PARD3: variants seen among roughly 807,000 people sequenced by gnomAD.
PARD3 encodes the protein par-3 family cell polarity regulator.
Under a neutral mutation model 155.4 loss-of-function variants are expected in PARD3, and 75 were observed. The ratio of observed to expected loss-of-function variants is 0.48; its 90% CI spans 0.40 to 0.58. The LOEUF is 0.58. PARD3 is among the 20% of genes least tolerant of loss of function. The probability of loss-of-function intolerance (pLI) is 0.00; values close to 1 mark genes in which losing one functional copy is unlikely to be tolerated. For synonymous variants in PARD3, 576 were observed against 610.5 expected, an observed-to-expected ratio of 0.94 and a Z score of 0.83; for missense variants, 1,642 against 1,721.7, an observed-to-expected ratio of 0.95 and a Z score of 0.82.
intron 19 of PARD3, among the ~76,000 whole-genome samples, chr10:34,324,385 T>G (rs1245443064): frequency 2.0e-5 from 3 of 152,004 alleles, no homozygotes; most frequent in Admixed American, 6.6e-5. Context: ...TAAGAAAAAC[T>G]AGATTGTCGG....
chr10:34,733,104 C>T (rs555441414), intron 1 of PARD3, among the ~76,000 whole-genome samples: 4 of 152,272 alleles, frequency 2.6e-5, no homozygotes, highest in East Asian at 1.9e-4. Flanking sequence ...AAGAAGCTCA[C>T]CTCTATCAAT....
At chr10:34,792,603 T>A (rs1302148465) in intron 1 of PARD3, among the ~76,000 whole-genome samples, 1 of 152,212 alleles carries the variant, frequency 6.6e-6, no homozygotes, top group African/African-American at 2.4e-5. Flanking sequence ...TACACTGTTT[T>A]CCCACAAGGA....
chr10:34,384,298 A>G (rs756273759), intron 7 of PARD3, 44 bp from the exon 8 acceptor site: 1 of 1,576,364 alleles, frequency 6.3e-7, no homozygotes, highest in Non-Finnish European at 8.7e-7. Context: ...TAATATCTCC[A>G]CCATGCACAC....
At position 34,128,937 on chromosome 10, in the gene PARD3, G is replaced by T. The variant is rs575443465; in HGVS notation, c.3540+2526C>A. Among the ~76,000 whole-genome samples the T allele has an allele frequency of 7.2e-5, 11 of 152,242 alleles. 1 individual carries two copies. In the South Asian group the frequency reaches 1.9e-3, roughly 26 times the overall value. ...TTACATCTAGTAGGGTCAATGCAGG[G>T]ACCAAGAATATGTATTCCTAACAAG... is the stretch of plus-strand genomic sequence containing the variant. On this transcript the variant is annotated intron_variant, in intron 23 of 24. Coordinates refer to ENST00000374788, the MANE Select transcript of PARD3 (RefSeq NM_001184785.2).
At chr10:34,329,765 A>G (rs1420217602) in intron 19 of PARD3, among the ~76,000 whole-genome samples, 1 of 152,174 alleles carries the variant, frequency 6.6e-6, no homozygotes, top group African/African-American at 2.4e-5. Context: ...GCCTGGATTT[A>G]GATGGAGAAT....
intron 20 of PARD3, among the ~76,000 whole-genome samples, chr10:34,297,713 C>T (rs777442703): frequency 4.6e-5 from 7 of 152,192 alleles, no homozygotes; most frequent in Non-Finnish European, 1.0e-4. Flanking sequence ...GGGTGGACAG[C>T]AGCCCAGAGT....
At chr10:34,261,772 G>GA (rs1564528130) in intron 22 of PARD3, among the ~76,000 whole-genome samples, 65 of 84,154 alleles carry the variant, frequency 7.7e-4, no homozygotes, top group African/African-American at 1.9e-3. Flanking sequence ...AAGGAAGGAA[G>GA]AAAGAAAGAA....
At chr10:34,608,762 G>A (rs1219070825) in intron 2 of PARD3, among the ~76,000 whole-genome samples, 1 of 152,018 alleles carries the variant, frequency 6.6e-6, no homozygotes, top group Admixed American at 6.6e-5. Flanking sequence ...TCGAACTCCT[G>A]ACCTCAGGTG....
chr10:34,624,826 G>A (rs906886168), intron 2 of PARD3, among the ~76,000 whole-genome samples: 11 of 152,336 alleles, frequency 7.2e-5, no homozygotes, highest in African/African-American at 2.6e-4. Flanking sequence ...TCCCACTGCA[G>A]CAAGACAAGG....
At chr10:34,580,367 T>C (rs896412549) in intron 2 of PARD3, among the ~76,000 whole-genome samples, 2 of 149,856 alleles carry the variant, frequency 1.3e-5, no homozygotes, top group Non-Finnish European at 3.0e-5. Flanking sequence ...AAAAAAAAAA[T>C]AAAAAGTAAA....
At chr10:34,484,485 T>C (rs1023340313) in intron 3 of PARD3, among the ~76,000 whole-genome samples, 5 of 152,252 alleles carry the variant, frequency 3.3e-5, no homozygotes, top group African/African-American at 9.6e-5. Context: ...TGCTGTTTCA[T>C]TGCTCCTCTC....
At chr10:34,758,550 C>T (rs1466810710) in intron 1 of PARD3, among the ~76,000 whole-genome samples, 1 of 152,180 alleles carries the variant, frequency 6.6e-6, no homozygotes, top group African/African-American at 2.4e-5. Context: ...TTTCCTTCTT[C>T]CTCTTATCAC....
At position 34,785,089 on chromosome 10, in the gene PARD3, T is replaced by C. The variant is rs549930175; in HGVS notation, c.120+29787A>G. On this transcript the variant is annotated intron_variant, in intron 1 of 24. Transcript: ENST00000374788. ...ATATATGTGCTGCAGAAAAATTCTATATGTGGACTACTAGACAAAGAGTTC... is the reference window on the plus strand; with the variant it reads ...ATATATGTGCTGCAGAAAAATTCTACATGTGGACTACTAGACAAAGAGTTC... 1.9e-4 allele frequency among the ~76,000 whole-genome samples: 29 copies of C among 152,358 alleles called. No homozygotes were observed. The South Asian group carries it at 5.8e-3, about 30-fold the overall frequency.
At chr10:34,261,695 A>AG (rs1456836633) in intron 22 of PARD3, among the ~76,000 whole-genome samples, 1 of 100,462 alleles carries the variant, frequency 1.0e-5, no homozygotes, top group African/African-American at 6.8e-5. Context: ...TCTCAAAGAA[A>AG]GAAAGGAAGA....
At chr10:34,581,217 A>C (rs917680733) in intron 2 of PARD3, among the ~76,000 whole-genome samples, 5 of 105,028 alleles carry the variant, frequency 4.8e-5, no homozygotes, top group African/African-American at 1.2e-4. Context: ...TATTTTGGTT[A>C]TTTTTCTTTT....
At position 34,792,922 on chromosome 10, in the gene PARD3, CAT is replaced by C. The variant is rs200387241; in HGVS notation, c.120+21952_120+21953del. Among the ~76,000 whole-genome samples, 784 of 152,360 alleles carry C rather than the reference CAT, an allele frequency of 5.1e-3. 5 individuals are homozygous for C. Among genetic ancestry groups the C allele is most frequent in the Non-Finnish European group, 5.8e-3 (396 of 68,044 alleles). On this transcript the variant is annotated intron_variant, in intron 1 of 24. Transcript: ENST00000374788. The stretch of plus-strand genomic sequence containing the variant: ...CGGAGTAACTTCCTTTCAAAAAGCA[CAT>C]GTTTGTACAGTGATTCTTTATATAC...
chr10:34,494,323 G>A (rs1477964371), intron 3 of PARD3, among the ~76,000 whole-genome samples: 2 of 152,184 alleles, frequency 1.3e-5, no homozygotes, highest in Non-Finnish European at 1.5e-5. Flanking sequence ...AAATTCAGAG[G>A]CCCAGCGTGC....
chr10:34,579,552 C>CTGTG lies in PARD3; in HGVS notation c.223-62394_223-62393insCACA, dbSNP rs1316450167. ...CTAAATAAATAAAAGCTACCATTTT[C>CTGTG]TCTGTGTGTGTGTGTGTGTGTGTGT... is the stretch of plus-strand genomic sequence containing the variant. On this transcript the variant is annotated intron_variant, in intron 2 of 24. Coordinates refer to ENST00000374788, the MANE Select transcript of PARD3 (RefSeq NM_001184785.2). Among the ~76,000 whole-genome samples, 437 of 62,488 alleles carry CTGTG rather than the reference C, an allele frequency of 7.0e-3. 4 individuals are homozygous for CTGTG. Among genetic ancestry groups the CTGTG allele is most frequent in the African/African-American group, 0.021 (368 of 17,426 alleles). 41.0% of individuals were successfully genotyped at this position (62,488 alleles called of 152,430 possible).
chr10:34,504,247 G>T (rs2080900869), intron 3 of PARD3, among the ~76,000 whole-genome samples: 1 of 151,622 alleles, frequency 6.6e-6, no homozygotes, highest in Non-Finnish European at 1.5e-5. Flanking sequence ...ACTTGCCTTG[G>T]CCTCCTGAGT....
Sources: allele counts gnomAD v4.1 joint callset (sites outside exome capture counted in the v4.1 genomes callset), GRCh38; gene constraint gnomAD v4.1.1; transcripts MANE v1.5; gene names NCBI Gene and HGNC (gene_info 2026-07-23, HGNC 2026-07-21).